The following RBM26 variants were observed in gnomAD, a reference collection of about 807,000 sequenced individuals.
The protein encoded by RBM26 is RNA-binding protein 26.
A neutral mutation model predicts 123.6 loss-of-function variants in RBM26; 30 were observed. The observed-to-expected ratio is 0.24, with a 90% CI of 0.18 to 0.33. The LOEUF (loss-of-function observed/expected upper bound fraction) is 0.33, where lower values mean the gene tolerates loss of function less well. Among genes scored for constraint, RBM26 ranks in the 10% least tolerant of loss-of-function variants. The pLI is 1.00. For synonymous variants in RBM26, 400 were observed against 404.4 expected, an observed-to-expected ratio of 0.99 and a Z score of 0.13; for missense variants, 947 against 1,203.6, an observed-to-expected ratio of 0.79 and a Z score of 3.15.
At chr13:79,365,215 G>A (rs1165706597) in intron 9 of RBM26, among the ~76,000 whole-genome samples, 2 of 152,178 alleles carry the variant, frequency 1.3e-5, no homozygotes, top group Non-Finnish European at 2.9e-5. Context: ...AGCCAAGGCG[G>A]GCGGATCACT....
intron 16 of RBM26, 134 bp downstream of exon 16, chr13:79,344,114 A>G (rs976783918): frequency 2.8e-6 from 2 of 702,430 alleles, no homozygotes; most frequent in East Asian, 2.7e-5. Flanking sequence ...TTCATCTCCA[A>G]TATTATCACT....
At chr13:79,321,738 C>T (rs183449636) in intron 21 of RBM26, among the ~76,000 whole-genome samples, 2 of 151,398 alleles carry the variant, frequency 1.3e-5, no homozygotes, top group South Asian at 2.1e-4. Context: ...ACTATCAATA[C>T]CTCCTTTAAA....
intron 1 of RBM26, among the ~76,000 whole-genome samples, chr13:79,380,048 G>A (rs1463486761): frequency 6.6e-6 from 1 of 152,120 alleles, no homozygotes; most frequent in Admixed American, 6.5e-5. Context: ...TAAACTGGTA[G>A]CTGATAGAAT....
chr13:79,313,510 C>T (rs1375725327), exon 5 of RBM26: 1 of 151,684 alleles, frequency 6.6e-6, no homozygotes, highest in Non-Finnish European at 1.5e-5. Flanking sequence ...ATGGTCTTTA[C>T]CCTAGCAGTA....
intron 9 of RBM26, among the ~76,000 whole-genome samples, chr13:79,361,921 C>T (rs989882641): frequency 6.6e-6 from 1 of 152,022 alleles, no homozygotes; most frequent in African/African-American, 2.4e-5. Context: ...TAGAAACGCA[C>T]GAGAAAGGTT....
At chr13:79,346,121 A>G (rs1455667180) in intron 14 of RBM26, among the ~76,000 whole-genome samples, 1 of 152,224 alleles carries the variant, frequency 6.6e-6, no homozygotes, top group African/African-American at 2.4e-5. Context: ...ATAAATGAGA[A>G]AAGTGGCCCT....
At chr13:79,377,737 G>A (rs565291907) in intron 2 of RBM26, among the ~76,000 whole-genome samples, 12 of 152,036 alleles carry the variant, frequency 7.9e-5, no homozygotes, top group African/African-American at 2.2e-4. Context: ...AACCAGCCTC[G>A]CCAGCCCTGT....
chr13:79,371,738 A>G lies in RBM26; in HGVS notation c.416+104T>C. The G allele has an allele frequency of 5.4e-6, 4 of 747,216 alleles. No homozygotes were observed. The South Asian group carries it at 6.7e-5, about 12-fold the overall frequency. The allele number at this position is 747,216 out of a possible 1,614,324, so 46.3% of individuals were successfully genotyped here. A position where few individuals can be genotyped will look rare whatever the true frequency, so the allele number is the denominator to read the frequency against. On this transcript the variant is annotated intron_variant, in intron 4 of 21. Coordinates refer to ENST00000438737, the MANE Select transcript of RBM26 (RefSeq NM_001366735.2). ...TTATATTTTCCTAGACCAATAAAAG[A>G]GTAGATATTACTTGCCTCTGCGTAA...
At chr13:79,377,272 G>A (rs2076733710) in intron 3 of RBM26, 107 bp downstream of exon 3, 3 of 826,670 alleles carry the variant, frequency 3.6e-6, no homozygotes, top group Non-Finnish European at 5.8e-6. Flanking sequence ...TTTAAACTGG[G>A]AGTGGTCCTG....
chr13:79,365,911 A>AGCT, intron 8 of RBM26, 144 bp downstream of exon 8: 1 of 954,574 alleles, frequency 1.0e-6, no homozygotes, highest in South Asian at 1.9e-5. Flanking sequence ...TTCAAAACTG[A>AGCT]GGGCTTATTT....
chr13:79,339,452 G>C (rs1002349502), intron 18 of RBM26, among the ~76,000 whole-genome samples: 1 of 151,976 alleles, frequency 6.6e-6, no homozygotes, highest in Admixed American at 6.6e-5. Flanking sequence ...AAGTATGTGG[G>C]GTGATGGACA....
chr13:79,380,177 TC>T (rs1261590874), intron 1 of RBM26, among the ~76,000 whole-genome samples: 1 of 152,014 alleles, frequency 6.6e-6, no homozygotes, highest in African/African-American at 2.4e-5. Flanking sequence ...GATTGTAAAA[TC>T]AAAAATGTGC....
At chr13:79,341,894 T>C (rs1272083375) in intron 17 of RBM26, among the ~76,000 whole-genome samples, 1 of 151,846 alleles carries the variant, frequency 6.6e-6, no homozygotes, top group Admixed American at 6.6e-5. Flanking sequence ...AAAGTAATTT[T>C]AGACCACAGT....
intron 1 of RBM26, among the ~76,000 whole-genome samples, chr13:79,398,242 T>C (rs2078761551): frequency 6.6e-6 from 1 of 152,216 alleles, no homozygotes; most frequent in Non-Finnish European, 1.5e-5. Context: ...TAGCTCAAGC[T>C]TCAGTTAGTC....
chr13:79,375,941 G>A (rs1347284770), intron 3 of RBM26, among the ~76,000 whole-genome samples: 2 of 151,930 alleles, frequency 1.3e-5, no homozygotes, highest in African/African-American at 2.4e-5. Context: ...TGTGCCACAT[G>A]TGAAAAGTAA....
At chr13:79,331,127 T>C (rs746619560) in intron 20 of RBM26, among the ~76,000 whole-genome samples, 2 of 152,038 alleles carry the variant, frequency 1.3e-5, no homozygotes, top group Non-Finnish European at 2.9e-5. Context: ...CCTCCCACCT[T>C]AGCCTCGCAA....
intron 16 of RBM26, 44 bp from the exon 17 acceptor site, chr13:79,342,875 A>G: frequency 8.2e-7 from 1 of 1,222,058 alleles, no homozygotes; most frequent in South Asian, 1.4e-5. Context: ...AATTACTCCT[A>G]TTATCATTAA....
chr13:79,362,012 G>T (rs1337109919), intron 9 of RBM26, among the ~76,000 whole-genome samples: 2 of 151,982 alleles, frequency 1.3e-5, no homozygotes, highest in Non-Finnish European at 2.9e-5. Flanking sequence ...GTACTAATGG[G>T]ACAGAAGAAA....
chr13:79,316,192 GGTGTGTGTGTGTGT>G (rs3064578), downstream of RBM26, among the ~76,000 whole-genome samples: 477 of 142,096 alleles, frequency 3.4e-3, 2 homozygotes, highest in Middle Eastern at 0.018. Flanking sequence ...AAGTGGGGCA[GGTGTGTGTGTGTGT>G]GTGTGTGTGT....
Sources: allele counts gnomAD v4.1 joint callset (sites outside exome capture counted in the v4.1 genomes callset), GRCh38; gene constraint gnomAD v4.1.1; transcripts MANE v1.5; gene names NCBI Gene and HGNC (gene_info 2026-07-23, HGNC 2026-07-21).